The following POLE4 variants were observed in gnomAD, a reference collection of about 807,000 sequenced individuals.
POLE4 encodes the protein DNA polymerase epsilon 4, accessory subunit, also known as DNA polymerase epsilon subunit 4.
Under a neutral mutation model 15.6 loss-of-function variants are expected in POLE4, and 15 were observed. That is an observed-to-expected ratio of 0.96 (90% CI 0.64 to 1.48). The LOEUF (loss-of-function observed/expected upper bound fraction) is 1.48. Among genes scored for constraint, POLE4 ranks in the 40% most tolerant of loss-of-function variants. The probability of loss-of-function intolerance (pLI) is 0.00; values close to 1 mark genes in which losing one functional copy is unlikely to be tolerated. For synonymous variants in POLE4, 83 were observed against 63.2 expected (o/e 1.31, Z -1.49); for missense variants, 205 against 151.9 (o/e 1.35, Z -1.84).
intron 3 of POLE4, among the ~76,000 whole-genome samples, chr2:74,966,437 C>T (rs555205526): frequency 7.2e-5 from 11 of 152,214 alleles, no homozygotes; most frequent in South Asian, 2.1e-4. Flanking sequence ...AGTTTCATTT[C>T]GTCACCCAGG....
chr2:74,959,125 G>A (rs1671174413), intron 1 of POLE4: 5 of 611,028 alleles, frequency 8.2e-6, no homozygotes, highest in Non-Finnish European at 1.5e-5. Flanking sequence ...CCAGGGCCTC[G>A]TACAGAACTT....
At chr2:74,967,503 T>C (rs1476908933) in intron 3 of POLE4, among the ~76,000 whole-genome samples, 3 of 152,178 alleles carry the variant, frequency 2.0e-5, no homozygotes, top group Non-Finnish European at 2.9e-5. Context: ...TCTGTAAACA[T>C]AGTAAACACA....
intron 1 of POLE4, 118 bp from the exon 2 acceptor site, chr2:74,959,223 G>A: frequency 1.5e-6 from 1 of 660,468 alleles, no homozygotes; most frequent in South Asian, 1.9e-5. Context: ...TTAGCTTCCA[G>A]AACATTTTCT....
rs746940725 is a variant in POLE4, at chr2:74,958,879, T to C, written c.200T>C (p.Leu67Pro). The C allele has an allele frequency of 3.2e-6, 5 of 1,555,098 alleles. No individual in the cohort carries two copies. The highest frequency in any genetic ancestry group is 1.9e-5 in the Admixed American group (1 of 51,586). ...TLAGQEAIFI[L>P]ARAAELFVET... is the part of the protein sequence containing the mutation. ...GCGGGACAGGAAGCCATCTTCATTC[T>C]GGCACGAGCCGCGGTGCGCCTGCAG... The change falls in exon 1 of 4, where the codon CTG becomes CCG. Residue 67 changes from leucine (L) to proline (P), a missense_variant. Leu to Pro is a moderately conservative substitution (Grantham distance 98). Transcript: ENST00000483063.
At chr2:74,960,235 C>T in intron 3 of POLE4, 89 bp downstream of exon 3, 2 of 1,108,726 alleles carry the variant, frequency 1.8e-6, no homozygotes, top group Admixed American at 1.7e-5. Flanking sequence ...ATGCCTGCTT[C>T]TTGTTTGTGT....
At chr2:74,962,942 T>G (rs1338328340) in intron 3 of POLE4, among the ~76,000 whole-genome samples, 1 of 152,246 alleles carries the variant, frequency 6.6e-6, no homozygotes, top group Non-Finnish European at 1.5e-5. Context: ...CACAACTGTT[T>G]TAAGTTAACA....
At chr2:74,965,141 T>C (rs1671277867) in intron 3 of POLE4, among the ~76,000 whole-genome samples, 1 of 149,530 alleles carries the variant, frequency 6.7e-6, no homozygotes, top group Admixed American at 6.8e-5. Flanking sequence ...TTGCCCAGGG[T>C]GGAGTACAGT....
At chr2:74,959,180 G>A (rs745437255) in intron 1 of POLE4, 161 bp from the exon 2 acceptor site, 1 of 622,086 alleles carries the variant, frequency 1.6e-6, no homozygotes, top group African/African-American at 1.9e-5. Flanking sequence ...GAAGAGGGTA[G>A]CGGAATGGAT....
At chr2:74,959,820 C>CT (rs530480726) in intron 2 of POLE4, 103 of 475,772 alleles carry the variant, frequency 2.2e-4, no homozygotes, top group African/African-American at 1.8e-3. Context: ...TCTCTGACAA[C>CT]TTTAAGAGCA....
Position 74,969,533 on chromosome 2 carries a change from G to C in POLE4, c.*111G>C. 4.2e-6 allele frequency: 4 copies of C among 958,446 alleles called. No homozygotes were observed. The highest frequency in any genetic ancestry group is 6.9e-6 in the Non-Finnish European group (4 of 582,742). The allele number at this position is 958,446 out of a possible 1,614,324, so 59.4% of individuals were successfully genotyped here. A position where few individuals can be genotyped will look rare whatever the true frequency, so the allele number is the denominator to read the frequency against. On this transcript the variant is annotated 3_prime_UTR_variant, in exon 4 of 4. Transcript: ENST00000483063. The stretch of plus-strand genomic sequence containing the variant: ...CTTTGCACTTACACACACTCTTCCT[G>C]TTCTGCCTTCACCTATGCCGGGATA...
Position 74,959,482 on chromosome 2 carries a change from C to T in POLE4, c.298+57C>T, listed in dbSNP as rs1671184208. 9 of 1,147,698 alleles carry T rather than the reference C, an allele frequency of 7.8e-6. No homozygotes were observed. The East Asian group carries it at 1.9e-4, about 24-fold the overall frequency. The allele number at this position is 1,147,698 out of a possible 1,614,324, so 71.1% of individuals were successfully genotyped here. On this transcript the variant is annotated intron_variant, in intron 2 of 3. Coordinates refer to ENST00000483063, the MANE Select transcript of POLE4 (RefSeq NM_019896.4). ...CAAGGGAGGGCTGGGCTGGTTTCCC[C>T]TTGTGCAGGTTGAGAAGACGTCACT...
At chr2:74,966,167 G>A (rs1461303688) in intron 3 of POLE4, among the ~76,000 whole-genome samples, 1 of 150,918 alleles carries the variant, frequency 6.6e-6, no homozygotes, top group Non-Finnish European at 1.5e-5. Context: ...CAGTTACTAT[G>A]TAAGTCCTTA....
rs776949285 is a variant in POLE4 at position 74,960,087 on chromosome 2, C to G, written c.299-18C>G. On this transcript the variant is annotated intron_variant, in intron 2 of 3. Transcript: ENST00000483063. ...CATGGCTGAAGTTAGTCAGGTGTCT[C>G]TTTTCCTTGTGTTTCAGATAATGCA... is the stretch of plus-strand genomic sequence containing the variant. 3 of 1,612,726 alleles carry G rather than the reference C, an allele frequency of 1.9e-6. No individual in the cohort carries two copies. The highest frequency in any genetic ancestry group is 2.5e-6 in the Non-Finnish European group (3 of 1,178,886).
At position 74,958,786 on chromosome 2, in the gene POLE4, C is replaced by A. The variant is rs1307374286; in HGVS notation, c.107C>A (p.Ala36Asp). ...CAGGCCCCAACGAGTGTGCCTGGGGCTCGTCTCTCGAGGTTGCCTCTGGCG... is the reference window on the plus strand; with the variant it reads ...CAGGCCCCAACGAGTGTGCCTGGGGATCGTCTCTCGAGGTTGCCTCTGGCG... The part of the protein sequence containing the change: ...QPQAPTSVPG[A>D]RLSRLPLARV... Residue 36 changes from alanine to aspartate, a missense_variant, in exon 1 of 4, where the codon GCT becomes GAT. Physicochemically the swap from Ala to Asp is moderately radical, Grantham distance 126. Coordinates refer to ENST00000483063, the MANE Select transcript of POLE4 (RefSeq NM_019896.4). 1.3e-6 allele frequency: 2 copies of A among 1,551,102 alleles called. No homozygotes were observed. Among genetic ancestry groups the A allele is most frequent in the African/African-American group, 1.4e-5 (1 of 72,936 alleles).
chr2:74,959,196 T>G (rs1671176639), intron 1 of POLE4, 145 bp from the exon 2 acceptor site: 2 of 627,678 alleles, frequency 3.2e-6, no homozygotes, highest in Non-Finnish European at 5.8e-6. Flanking sequence ...TGGATCTTCA[T>G]GAAGTCCAGG....
chr2:74,959,583 A>G, intron 2 of POLE4, 158 bp downstream of exon 2: 1 of 582,742 alleles, frequency 1.7e-6, no homozygotes, highest in South Asian at 2.2e-5. Context: ...CCCTACCTGT[A>G]GAGGCTGTCT....
At position 74,959,156 on chromosome 2, in the gene POLE4, A is replaced by G. The variant is rs555775476; in HGVS notation, c.214-185A>G. ...AACTTGTAGGAGTCTTTAGTGAATG[A>G]GGGAGAATACTGGGAAGAGGGTAGC... is the stretch of plus-strand genomic sequence containing the variant. On this transcript the variant is annotated intron_variant, in intron 1 of 3. Coordinates refer to ENST00000483063, the MANE Select transcript of POLE4 (RefSeq NM_019896.4). 1.3e-5 allele frequency: 8 copies of G among 614,790 alleles called. No individual in the cohort carries two copies. In the South Asian group the frequency reaches 1.4e-4, roughly 11 times the overall value. The allele number at this position is 614,790 out of a possible 1,614,324, so 38.1% of individuals were successfully genotyped here.
intron 3 of POLE4, among the ~76,000 whole-genome samples, chr2:74,962,089 G>T (rs1214089001): frequency 6.6e-6 from 1 of 152,018 alleles, no homozygotes; most frequent in African/African-American, 2.4e-5. Context: ...AGCTGTAGAC[G>T]GTATGTATTG....
chr2:74,963,456 C>A (rs1423378346), intron 3 of POLE4, among the ~76,000 whole-genome samples: 1 of 151,780 alleles, frequency 6.6e-6, no homozygotes, highest in East Asian at 1.9e-4. Context: ...TATTTTTGTC[C>A]TTTTTCTTAT....
Sources: allele counts gnomAD v4.1 joint callset (sites outside exome capture counted in the v4.1 genomes callset), GRCh38; gene constraint gnomAD v4.1.1; transcripts MANE v1.5; gene names NCBI Gene and HGNC (gene_info 2026-07-23, HGNC 2026-07-21).